CDH13: variants seen among roughly 807,000 people sequenced by gnomAD.
CDH13 encodes the protein cadherin 13, also known as cadherin-13.
Under a neutral mutation model 63.8 loss-of-function variants are expected in CDH13, and 24 were observed. The observed-to-expected ratio is 0.38, with a 90% confidence interval of 0.27 to 0.53. CDH13 has a LOEUF of 0.53. Ranked by LOEUF, CDH13 falls within the 20% of genes least tolerant of loss-of-function variation. The pLI is 0.85. For missense variants in CDH13, 1,049 were observed against 903.1 expected (o/e 1.16, Z -2.07); for synonymous variants, 503 against 355.3 (o/e 1.42, Z -4.67).
intron 5 of CDH13, among the ~76,000 whole-genome samples, chr16:83,303,148 C>G (rs766559624): frequency 1.6e-4 from 24 of 152,220 alleles, no homozygotes; most frequent in Non-Finnish European, 3.1e-4. Flanking sequence ...TTCCTATGTT[C>G]TTTTCAGCAT....
intron 5 of CDH13, among the ~76,000 whole-genome samples, chr16:83,321,257 T>C (rs139278838): frequency 6.6e-6 from 1 of 152,210 alleles, no homozygotes; most frequent in South Asian, 2.1e-4. Context: ...GTGTCTCAAG[T>C]TGATTTCCTT....
At chr16:83,113,777 C>T (rs990810733) in intron 3 of CDH13, among the ~76,000 whole-genome samples, 2 of 152,162 alleles carry the variant, frequency 1.3e-5, no homozygotes, top group Non-Finnish European at 2.9e-5. Context: ...GTGAGAAGCC[C>T]TCAGACAAGC....
intron 6 of CDH13, among the ~76,000 whole-genome samples, chr16:83,443,627 T>C (rs2072550300): frequency 6.7e-6 from 1 of 149,278 alleles, no homozygotes; most frequent in Admixed American, 6.7e-5. Flanking sequence ...TCCCAGCACT[T>C]AGGCAGGCTG....
chr16:83,299,130 T>C (rs2089670616), intron 5 of CDH13, among the ~76,000 whole-genome samples: 1 of 152,166 alleles, frequency 6.6e-6, no homozygotes, highest in Non-Finnish European at 1.5e-5. Flanking sequence ...ATATACACTG[T>C]TTTGCAACCT....
intron 8 of CDH13, among the ~76,000 whole-genome samples, chr16:83,625,314 C>G (rs1372620914): frequency 1.3e-5 from 2 of 152,118 alleles, no homozygotes; most frequent in African/African-American, 4.8e-5. Flanking sequence ...CTTAATTCTT[C>G]CACGCTGGTT....
chr16:83,701,395 G>T (rs1276203558), intron 10 of CDH13, among the ~76,000 whole-genome samples: 1 of 152,030 alleles, frequency 6.6e-6, no homozygotes, highest in Non-Finnish European at 1.5e-5. Flanking sequence ...CATTTCATTC[G>T]GTCCACACGT....
intron 5 of CDH13, among the ~76,000 whole-genome samples, chr16:83,320,652 G>A (rs1164984301): frequency 6.6e-6 from 1 of 152,144 alleles, no homozygotes; most frequent in Non-Finnish European, 1.5e-5. Context: ...AGATAATTTT[G>A]TTCAGATCAT....
At chr16:83,497,365 C>T (rs1320265473) in intron 7 of CDH13, among the ~76,000 whole-genome samples, 3 of 152,018 alleles carry the variant, frequency 2.0e-5, no homozygotes, top group Admixed American at 2.0e-4. Context: ...TTTGTAGGGA[C>T]ATGGATGAAA....
At chr16:82,758,385 T>G (rs1446916783) in intron 1 of CDH13, among the ~76,000 whole-genome samples, 2 of 151,768 alleles carry the variant, frequency 1.3e-5, no homozygotes, top group Non-Finnish European at 2.9e-5. Context: ...CTTTAGTGAT[T>G]GGGTTTCTGT....
intron 5 of CDH13, among the ~76,000 whole-genome samples, chr16:83,241,035 G>A (rs1904394687): frequency 6.6e-6 from 1 of 152,110 alleles, no homozygotes; most frequent in Admixed American, 6.5e-5. Flanking sequence ...TTCTGGTTCT[G>A]TGATCTTGAC....
At chr16:83,505,387 G>T (rs1045709789) in intron 7 of CDH13, among the ~76,000 whole-genome samples, 2 of 152,102 alleles carry the variant, frequency 1.3e-5, no homozygotes, top group African/African-American at 2.4e-5. Flanking sequence ...AATCCATGCA[G>T]ATTCCTCCCC....
chr16:82,801,214 A>G (rs1307358905), intron 1 of CDH13, among the ~76,000 whole-genome samples: 3 of 152,246 alleles, frequency 2.0e-5, no homozygotes, highest in South Asian at 2.1e-4. Context: ...ACCAACACCT[A>G]TGAGATTTAC....
At chr16:82,901,306 G>A (rs941239781) in intron 2 of CDH13, among the ~76,000 whole-genome samples, 1 of 149,928 alleles carries the variant, frequency 6.7e-6, no homozygotes, top group African/African-American at 2.5e-5. Flanking sequence ...AAATCTTAGT[G>A]GAATAGATAG....
intron 4 of CDH13, among the ~76,000 whole-genome samples, chr16:83,179,256 T>C (rs1007898356): frequency 3.3e-5 from 5 of 152,132 alleles, no homozygotes; most frequent in African/African-American, 1.2e-4. Context: ...AGAACTTTTG[T>C]GTTCCATGCA....
intron 3 of CDH13, among the ~76,000 whole-genome samples, chr16:83,081,622 T>A (rs2033256596): frequency 6.6e-6 from 1 of 151,716 alleles, no homozygotes; most frequent in Non-Finnish European, 1.5e-5. Flanking sequence ...CAGGGTAGGG[T>A]TTTTGGGGAG....
chr16:82,966,911 A>T (rs368565842), intron 2 of CDH13, among the ~76,000 whole-genome samples: 1 of 152,118 alleles, frequency 6.6e-6, no homozygotes, highest in South Asian at 2.1e-4. Context: ...TAATCAACAC[A>T]CTTAATTTGG....
At chr16:83,645,107 C>G (rs1481792524) in intron 8 of CDH13, among the ~76,000 whole-genome samples, 3 of 152,178 alleles carry the variant, frequency 2.0e-5, no homozygotes, top group African/African-American at 7.2e-5. Context: ...ATATGTTCAC[C>G]ACAGCACTAT....
chr16:83,479,739 G>A (rs2073709489), intron 6 of CDH13, among the ~76,000 whole-genome samples: 1 of 152,134 alleles, frequency 6.6e-6, no homozygotes, highest in Non-Finnish European at 1.5e-5. Flanking sequence ...ATTCTCAAAG[G>A]GGGTAATATT....
chr16:82,819,012 A>G (rs2037866326), intron 1 of CDH13, among the ~76,000 whole-genome samples: 1 of 152,196 alleles, frequency 6.6e-6, no homozygotes, highest in South Asian at 2.1e-4. Context: ...GATTGTGTGG[A>G]CATTCTTTCA....
Sources: gnomAD v4.1 joint callset for allele counts (sites outside exome capture counted in the v4.1 genomes callset) on GRCh38, gnomAD v4.1.1 for gene constraint, MANE v1.5 for transcripts, NCBI Gene and HGNC (gene_info 2026-07-23, HGNC 2026-07-21) for gene names.